MAD1L1: variants seen among roughly 807,000 people sequenced by gnomAD.
MAD1L1 encodes the protein mitotic arrest deficient 1 like 1.
In MAD1L1, 95 loss-of-function variants were observed where a neutral mutation model predicts 96.9. The ratio of observed to expected loss-of-function variants is 0.98; its 90% CI spans 0.83 to 1.16. MAD1L1 has a LOEUF of 1.16. Ranked by LOEUF, MAD1L1 falls within the 50% of genes most tolerant of loss-of-function variation. MAD1L1 has a pLI of 0.00. For missense variants in MAD1L1, 1,007 were observed against 954.4 expected, an observed-to-expected ratio of 1.06 and a Z score of -0.73; for synonymous variants, 473 against 396.6, an observed-to-expected ratio of 1.19 and a Z score of -2.29.
intron 11 of MAD1L1, among the ~76,000 whole-genome samples, chr7:2,074,201 G>A (rs1006725059): frequency 3.9e-5 from 6 of 152,126 alleles, no homozygotes; most frequent in African/African-American, 1.4e-4. Flanking sequence ...TGGGCTCGCT[G>A]GGCCTCCATT....
intron 17 of MAD1L1, among the ~76,000 whole-genome samples, chr7:1,932,256 C>T (rs533108841): frequency 3.9e-5 from 6 of 152,260 alleles, no homozygotes; most frequent in Non-Finnish European, 7.3e-5. Flanking sequence ...ATCCCAGAAC[C>T]TCTGGCCTGT....
At chr7:2,106,968 T>C (rs1046768749) in intron 11 of MAD1L1, among the ~76,000 whole-genome samples, 4 of 151,818 alleles carry the variant, frequency 2.6e-5, no homozygotes, top group Admixed American at 6.5e-5. Context: ...CGTAGTCTAG[T>C]GTGAAAGAGC....
chr7:1,871,237 ACGCC>A (rs1326572365), intron 18 of MAD1L1, among the ~76,000 whole-genome samples: 4 of 140,514 alleles, frequency 2.8e-5, no homozygotes, highest in East Asian at 2.1e-4. Context: ...AACCCAACAT[ACGCC>A]TGCCACGCTG....
At chr7:2,077,673 G>A (rs1785442671) in intron 11 of MAD1L1, among the ~76,000 whole-genome samples, 1 of 152,226 alleles carries the variant, frequency 6.6e-6, no homozygotes, top group Admixed American at 6.5e-5. Flanking sequence ...AAGCAGTGCC[G>A]TTCTGCAGGA....
intron 11 of MAD1L1, chr7:2,107,725 G>GCATT (rs1314762560): frequency 1.3e-5 from 2 of 152,290 alleles, no homozygotes; most frequent in Admixed American, 1.3e-4. Context: ...AACACCCAAA[G>GCATT]CATTTCCTTC....
intron 12 of MAD1L1, among the ~76,000 whole-genome samples, chr7:2,049,698 C>T: frequency 6.6e-6 from 1 of 152,338 alleles, no homozygotes; most frequent in Non-Finnish European, 1.5e-5. Context: ...GGTGGCCAGA[C>T]TCGCTTCATC....
chr7:1,948,000 G>T (rs540237798), intron 16 of MAD1L1, among the ~76,000 whole-genome samples: 2 of 152,328 alleles, frequency 1.3e-5, no homozygotes, highest in Middle Eastern at 3.4e-3. Flanking sequence ...GCTGCTGTCC[G>T]TGACCAGTGC....
chr7:2,039,016 G>A (rs528644066), intron 12 of MAD1L1, among the ~76,000 whole-genome samples: 146 of 152,276 alleles, frequency 9.6e-4, no homozygotes, highest in Admixed American at 1.8e-3. Flanking sequence ...CGGGTTGTCC[G>A]TTCACAGCCA....
Position 1,859,426 on chromosome 7 carries a change from C to T in MAD1L1, c.1998+38774G>A, listed in dbSNP as rs112773324. Among the ~76,000 whole-genome samples the T allele has an allele frequency of 3.0e-3, 458 of 152,356 alleles. 1 individual carries two copies. Among genetic ancestry groups the T allele is most frequent in the African/African-American group, 0.01 (418 of 41,582 alleles). ...GGCAGAGCCACAGGGATATGTGTTT[C>T]GGCTACCGTGCAAAGGGCTTTGAAA... is the stretch of plus-strand genomic sequence containing the variant. On this transcript the variant is annotated intron_variant, in intron 18 of 18. Coordinates refer to ENST00000265854, the MANE Select transcript of MAD1L1 (RefSeq NM_001013836.2).
chr7:2,132,365 C>A (rs1719131244), intron 11 of MAD1L1, among the ~76,000 whole-genome samples: 1 of 152,034 alleles, frequency 6.6e-6, no homozygotes, highest in South Asian at 2.1e-4. Context: ...CGCATGTCTG[C>A]AGTCCCTGTG....
intron 11 of MAD1L1, among the ~76,000 whole-genome samples, chr7:2,131,822 G>A (rs1002442883): frequency 1.3e-5 from 2 of 152,162 alleles, no homozygotes; most frequent in African/African-American, 2.4e-5. Context: ...CATCGCACCT[G>A]GGGTCTCTCT....
chr7:1,851,820 A>G (rs1276628468), intron 18 of MAD1L1, among the ~76,000 whole-genome samples: 8 of 152,120 alleles, frequency 5.3e-5, no homozygotes, highest in Non-Finnish European at 1.0e-4. Flanking sequence ...CCTGCCTGCC[A>G]AAGGCCAGGC....
intron 12 of MAD1L1, among the ~76,000 whole-genome samples, chr7:2,017,394 C>G (rs1469748821): frequency 6.6e-6 from 1 of 152,228 alleles, no homozygotes; most frequent in Non-Finnish European, 1.5e-5. Context: ...ATGTGCTCAT[C>G]ATGCAACGAA....
chr7:2,182,634 T>G (rs1046603142), intron 10 of MAD1L1, among the ~76,000 whole-genome samples: 1 of 152,076 alleles, frequency 6.6e-6, no homozygotes, highest in Non-Finnish European at 1.5e-5. Flanking sequence ...TGCCATGTGG[T>G]GGAAGGGAGC....
intron 11 of MAD1L1, among the ~76,000 whole-genome samples, chr7:2,099,172 A>G (rs1242488454): frequency 1.3e-5 from 2 of 152,154 alleles, no homozygotes; most frequent in African/African-American, 4.8e-5. Flanking sequence ...GCATCCCCCA[A>G]CGCACCGCTA....
intron 10 of MAD1L1, 95 bp from the exon 11 acceptor site, chr7:2,149,333 G>T: frequency 3.1e-6 from 3 of 957,926 alleles, no homozygotes; most frequent in South Asian, 1.4e-5. Flanking sequence ...AACCTCTGTA[G>T]CTGATGCTCT....
chr7:2,190,103 A>C (rs956132637), intron 10 of MAD1L1, among the ~76,000 whole-genome samples: 1 of 152,262 alleles, frequency 6.6e-6, no homozygotes, highest in Non-Finnish European at 1.5e-5. Flanking sequence ...TAAAATAGCC[A>C]AGACAATTCT....
At chr7:2,231,461 G>A (rs906290339) in intron 1 of MAD1L1, among the ~76,000 whole-genome samples, 2 of 151,974 alleles carry the variant, frequency 1.3e-5, no homozygotes, top group East Asian at 1.9e-4. Context: ...CTCTACTAAA[G>A]CCAGATGTGG....
chr7:2,014,431 C>A (rs567026175), intron 13 of MAD1L1, 71 bp downstream of exon 13: 5 of 1,485,944 alleles, frequency 3.4e-6, no homozygotes, highest in Non-Finnish European at 4.5e-6. Flanking sequence ...CTCCCCGCCG[C>A]AGGCTCTGCC....
Sources: gnomAD v4.1 joint callset for allele counts (sites outside exome capture counted in the v4.1 genomes callset) on GRCh38, gnomAD v4.1.1 for gene constraint, MANE v1.5 for transcripts, NCBI Gene and HGNC (gene_info 2026-07-23, HGNC 2026-07-21) for gene names.